Variants in EPHA10 observed in about 807,000 individuals in gnomAD.
EPHA10 encodes ephrin type-A receptor 10.
EPHA10 carries 120 observed loss-of-function variants against 109.7 expected under a neutral mutation model. The ratio of observed to expected loss-of-function variants is 1.09; its 90% CI spans 0.94 to 1.27. The LOEUF is 1.27. EPHA10 is among the 50% of genes most tolerant of loss of function. The pLI is 0.00. For missense variants in EPHA10, 1,396 were observed against 1,411.1 expected, an observed-to-expected ratio of 0.99 and a Z score of 0.17; for synonymous variants, 640 against 618.9, an observed-to-expected ratio of 1.03 and a Z score of -0.51.
intron 5 of EPHA10, among the ~76,000 whole-genome samples, chr1:37,742,311 A>C (rs1453894562): frequency 6.6e-6 from 1 of 152,130 alleles, no homozygotes; most frequent in Non-Finnish European, 1.5e-5. Context: ...CCCATAGGTG[A>C]CTTGGGTAAC....
intron 16 of EPHA10, 78 bp from the exon 17 acceptor site, chr1:37,718,564 C>T: frequency 6.2e-7 from 1 of 1,611,436 alleles, no homozygotes; most frequent in Non-Finnish European, 8.5e-7. Context: ...CACTCTCCCT[C>T]CGCTTCTCTG....
At chr1:37,760,459 A>T in intron 3 of EPHA10, 1 of 1,054,378 alleles carries the variant, frequency 9.5e-7, no homozygotes, top group Non-Finnish European at 1.1e-6. Context: ...CAGTGATTGT[A>T]GTTCAGAGAG....
At chr1:37,762,984 C>T in intron 1 of EPHA10, 135 bp from the exon 2 acceptor site, 1 of 758,980 alleles carries the variant, frequency 1.3e-6, no homozygotes, top group East Asian at 2.9e-5. Flanking sequence ...CAAGTTTTTC[C>T]CACTCCATAC....
At chr1:37,742,093 A>G (rs1480770344) in intron 5 of EPHA10, among the ~76,000 whole-genome samples, 1 of 152,230 alleles carries the variant, frequency 6.6e-6, no homozygotes, top group African/African-American at 2.4e-5. Context: ...CTCCGAAGAG[A>G]TAATTAGATG....
At chr1:37,753,837 G>A (rs1287706685) in intron 4 of EPHA10, among the ~76,000 whole-genome samples, 1 of 151,972 alleles carries the variant, frequency 6.6e-6, no homozygotes, top group African/African-American at 2.4e-5. Flanking sequence ...GAGGAGGTTA[G>A]TGAGGAACCG....
chr1:37,743,326 A>T (rs1449618124), intron 5 of EPHA10, among the ~76,000 whole-genome samples: 1 of 152,182 alleles, frequency 6.6e-6, no homozygotes, highest in Non-Finnish European at 1.5e-5. Flanking sequence ...GCCTCCACCA[A>T]CTATGTACAG....
chr1:37,722,938 G>C (rs1645823314), intron 10 of EPHA10, 103 bp downstream of exon 10: 2 of 1,552,942 alleles, frequency 1.3e-6, no homozygotes, highest in Non-Finnish European at 1.8e-6. Context: ...AGACCTGGGT[G>C]GAGGTGGGCT....
rs1646050068 is a variant in EPHA10 at position 37,735,274 on chromosome 1, T to C, written c.1474A>G (p.Ile492Val). ...GCACTCACCTTCTCGTAGTATCGGATCTCGTACTCCGTGTCATTGGCCCCA... is the reference window on the plus strand; with the variant it reads ...GCACTCACCTTCTCGTAGTATCGGACCTCGTACTCCGTGTCATTGGCCCCA... ...APGANDTEYE[I>V]RYYEKGQSEQ... is the part of the protein sequence containing the mutation. The change falls in exon 6 of 17, where the codon ATC (isoleucine) becomes GTC (valine). Residue 492 changes from isoleucine (I) to valine (V), a missense_variant. Physicochemically the swap from Ile to Val is conservative, Grantham distance 29. Transcript: ENST00000373048. The C allele has an allele frequency of 6.4e-7, 1 of 1,565,856 alleles. No homozygotes were observed. Among genetic ancestry groups the C allele is most frequent in the Non-Finnish European group, 8.7e-7 (1 of 1,155,256 alleles).
At chr1:37,739,214 A>G (rs1449153662) in intron 5 of EPHA10, among the ~76,000 whole-genome samples, 1 of 152,246 alleles carries the variant, frequency 6.6e-6, no homozygotes, top group East Asian at 1.9e-4. Context: ...ACAACAGGAT[A>G]TTAGTCCTTA....
rs200150568 is a variant in EPHA10, at chr1:37,721,651, G to C, written c.2146+9C>G. ...GGCTGGGCAGCAGGAAGGGAGCACCGGGCCCTACCTCGGGTAACAACGCCC... is the reference window on the plus strand; with the variant it reads ...GGCTGGGCAGCAGGAAGGGAGCACCCGGCCCTACCTCGGGTAACAACGCCC... On this transcript the variant is annotated intron_variant, in intron 11 of 16. Transcript: ENST00000373048. 6.3e-7 allele frequency: 1 copy of C among 1,596,470 alleles called. No homozygotes were observed. Among genetic ancestry groups the C allele is most frequent in the Non-Finnish European group, 8.5e-7 (1 of 1,170,088 alleles).
At chr1:37,725,669 G>A (rs1446264530) in intron 8 of EPHA10, among the ~76,000 whole-genome samples, 1 of 152,152 alleles carries the variant, frequency 6.6e-6, no homozygotes, top group Non-Finnish European at 1.5e-5. Flanking sequence ...CCAGGGTGGT[G>A]ACAGGACTTC....
At chr1:37,736,986 G>A (rs920404419) in intron 5 of EPHA10, among the ~76,000 whole-genome samples, 2 of 152,156 alleles carry the variant, frequency 1.3e-5, no homozygotes, top group African/African-American at 4.8e-5. Context: ...TGTGTTCATG[G>A]AATAGAACAC....
intron 5 of EPHA10, among the ~76,000 whole-genome samples, chr1:37,741,812 C>G (rs1198773711): frequency 1.3e-5 from 2 of 151,640 alleles, no homozygotes; most frequent in Admixed American, 6.6e-5. Flanking sequence ...AGCCAGCACT[C>G]TACTGCAGAG....
intron 5 of EPHA10, among the ~76,000 whole-genome samples, chr1:37,743,834 T>A (rs1036669860): frequency 1.3e-5 from 2 of 152,162 alleles, no homozygotes; most frequent in Admixed American, 1.3e-4. Context: ...TTTCAACTTA[T>A]AATAAGCCCA....
At position 37,754,131 on chromosome 1, in the gene EPHA10, C is replaced by G. The variant is rs557643006; in HGVS notation, c.1006+84G>C. ...GTGCGCCCCAGTGCGGAGACCCTGC[C>G]CTCACCACCACCTGGATCAGGCCTT... On this transcript the variant is annotated intron_variant, in intron 4 of 16. Coordinates refer to ENST00000373048, the MANE Select transcript of EPHA10 (RefSeq NM_001099439.2). This position sits in a 1 kb window ranked among gnomAD's most constrained non-coding sequence, Gnocchi z 4.5. 3.2e-6 allele frequency: 4 copies of G among 1,235,148 alleles called. No homozygotes were observed. The highest frequency in any genetic ancestry group is 7.6e-5 in the South Asian group (2 of 26,304). 76.5% of individuals were successfully genotyped at this position (1,235,148 alleles called of 1,614,324 possible).
chr1:37,729,141 T>G (rs993514103), intron 7 of EPHA10, among the ~76,000 whole-genome samples: 1 of 152,066 alleles, frequency 6.6e-6, no homozygotes, highest in African/African-American at 2.4e-5. Context: ...GAGAGGCCCA[T>G]GGGACAAGGA....
chr1:37,757,333 G>C (rs544062958), intron 3 of EPHA10, among the ~76,000 whole-genome samples: 4 of 152,194 alleles, frequency 2.6e-5, no homozygotes, highest in African/African-American at 9.6e-5. Context: ...GTTAGCTGCA[G>C]AAGGCACTTG....
Position 37,721,673 on chromosome 1 carries a change from G to T in EPHA10, c.2133C>A (p.Gly711=), listed in dbSNP as rs761763313. The change falls in exon 11 of 17, where the codon GGC becomes GGA. Residue 711 remains glycine, a synonymous_variant. Coordinates refer to ENST00000373048, the MANE Select transcript of EPHA10 (RefSeq NM_001099439.2). The stretch of plus-strand genomic sequence containing the variant: ...ACCGGGCCCTACCTCGGGTAACAAC[G>T]CCCTCCAGCCGCACGATGTGGCTAT... ...FDHSHIVRLE[G]VVTRGSTLMI... is the part of the protein sequence containing the mutation. 6.2e-7 allele frequency: 1 copy of T among 1,605,572 alleles called. No homozygotes were observed. Among genetic ancestry groups the T allele is most frequent in the South Asian group, 1.1e-5 (1 of 90,494 alleles).
At chr1:37,714,556 GC>G (rs956347712), downstream of EPHA10, among the ~76,000 whole-genome samples, 7 of 152,106 alleles carry the variant, frequency 4.6e-5, no homozygotes, top group African/African-American at 1.7e-4. Context: ...GTTGAATTGT[GC>G]CCCCCGCCAG....
Sources: allele counts gnomAD v4.1 joint callset (sites outside exome capture counted in the v4.1 genomes callset), GRCh38; gene constraint gnomAD v4.1.1; non-coding constraint Gnocchi (gnomAD v3.1); transcripts MANE v1.5; gene names NCBI Gene and HGNC (gene_info 2026-07-23, HGNC 2026-07-21).